The following PCDHGB4 variants were observed in gnomAD, a reference collection of about 807,000 sequenced individuals.
PCDHGB4 encodes protocadherin gamma subfamily B, 4.
In PCDHGB4, 38 loss-of-function variants were observed where a neutral mutation model predicts 60.5. The observed-to-expected ratio is 0.63, with a 90% CI of 0.48 to 0.82. The LOEUF is 0.82. Ranked by LOEUF, PCDHGB4 falls within the 40% of genes least tolerant of loss-of-function variation. The pLI, the probability that PCDHGB4 is intolerant of heterozygous loss-of-function variation, is 0.00. For missense variants in PCDHGB4, 1,109 were observed against 1,209.6 expected, an observed-to-expected ratio of 0.92 and a Z score of 1.23; for synonymous variants, 456 against 509.7, an observed-to-expected ratio of 0.89 and a Z score of 1.42.
Position 141,390,370 on chromosome 5 carries a change from A to T in PCDHGB4, c.2397+89A>T, listed in dbSNP as rs1252386186. On this transcript the variant is annotated intron_variant, in intron 1 of 3. Coordinates refer to ENST00000519479, the MANE Select transcript of PCDHGB4 (RefSeq NM_003736.4). ...AATATACATATTTGCAGGAAAATAT[A>T]TAATTTTTAGATGTCATGGATCATT... 4 of 1,504,066 alleles carry T rather than the reference A, an allele frequency of 2.7e-6. No individual in the cohort carries two copies. In the African/African-American group the frequency reaches 4.2e-5, roughly 16 times the overall value. The allele number at this position is 1,504,066 out of a possible 1,614,324, so 93.2% of individuals were successfully genotyped here. A position where few individuals can be genotyped will look rare whatever the true frequency, so the allele number is the denominator to read the frequency against.
At chr5:141,467,693 G>C (rs543886467) in intron 1 of PCDHGB4, among the ~76,000 whole-genome samples, 49 of 152,108 alleles carry the variant, frequency 3.2e-4, no homozygotes, top group African/African-American at 1.1e-3. Flanking sequence ...ACAGGGTCTG[G>C]CTCTGTTGCC....
chr5:141,484,123 T>C (rs2099592351), intron 1 of PCDHGB4, among the ~76,000 whole-genome samples: 1 of 152,174 alleles, frequency 6.6e-6, no homozygotes, highest in South Asian at 2.1e-4. Flanking sequence ...AAGAATACCT[T>C]GGTGTCAGAT....
rs1052219950 is a variant in PCDHGB4, at chr5:141,476,865, G to A, written c.2398-17942G>A. The A allele has an allele frequency of 1.2e-6, 2 of 1,613,752 alleles. No individual in the cohort carries two copies. Among genetic ancestry groups the A allele is most frequent in the African/African-American group, 1.3e-5 (1 of 74,958 alleles). On this transcript the variant is annotated intron_variant, in intron 1 of 3. Coordinates refer to ENST00000519479, the MANE Select transcript of PCDHGB4 (RefSeq NM_003736.4). This position sits in a 1 kb window ranked among gnomAD's most constrained non-coding sequence, Gnocchi z 7.6. ...CCTGTCTTCAACCAGTCCTTGTACC[G>A]GGCGCGCGTCCTGGAGGATGCACCC...
At chr5:141,418,407 A>C (rs1165583519) in intron 1 of PCDHGB4, 1 of 1,613,926 alleles carries the variant, frequency 6.2e-7, no homozygotes, top group Non-Finnish European at 8.5e-7. Flanking sequence ...TTGGTGGAGA[A>C]AGACAATCCT....
chr5:141,399,221 T>C (rs564668507), intron 1 of PCDHGB4: 1 of 1,613,960 alleles, frequency 6.2e-7, no homozygotes, highest in Non-Finnish European at 8.5e-7. Flanking sequence ...ATTGCTTTGA[T>C]CAAAATACAT....
rs773893751 is a variant in PCDHGB4 at position 141,431,903 on chromosome 5, G to A, written c.2397+41622G>A. 2 of 1,613,916 alleles carry A rather than the reference G, an allele frequency of 1.2e-6. No individual in the cohort carries two copies. Among genetic ancestry groups the A allele is most frequent in the South Asian group, 2.2e-5 (2 of 91,080 alleles). ...CCAAGATTCTGAGGAAAACGGACAG[G>A]TGATCTGTTTCATCCAAGGAAATCT... On this transcript the variant is annotated intron_variant, in intron 1 of 3. Transcript: ENST00000519479. The surrounding 1 kb of genome is among the most constrained non-coding windows in gnomAD (Gnocchi z 4.8).
intron 1 of PCDHGB4, chr5:141,478,289 G>A (rs1210628852): frequency 1.2e-6 from 2 of 1,614,146 alleles, no homozygotes; most frequent in African/African-American, 2.7e-5. Context: ...GCAGTCTAGA[G>A]ACCTATACCG....
At position 141,489,094 on chromosome 5, in the gene PCDHGB4, G is replaced by GAAA. The variant is rs2154581134; in HGVS notation, c.2398-5711_2398-5710insAAA. On this transcript the variant is annotated intron_variant, in intron 1 of 3. Coordinates refer to ENST00000519479, the MANE Select transcript of PCDHGB4 (RefSeq NM_003736.4). The surrounding 1 kb of genome is among the most constrained non-coding windows in gnomAD (Gnocchi z 4.5). ...CCCACCCCCGCCACTCGGTGACTAA[G>GAAA]AACTGCTGCAAGCAGGCAAACCTCC... The GAAA allele has an allele frequency of 5.1e-6, 2 of 396,028 alleles. No homozygotes were observed. Among genetic ancestry groups the GAAA allele is most frequent in the South Asian group, 4.8e-5 (1 of 20,814 alleles). The allele number at this position is 396,028 out of a possible 1,614,324, so 24.5% of individuals were successfully genotyped here.
In PCDHGB4 at chr5:141,489,681, A is replaced by T; in HGVS notation, c.2398-5126A>T. ...AGATGCGCATCTCAGAATCAGCAGC[A>T]TCTGGGGCACGATTCCCACTGGACA... On this transcript the variant is annotated intron_variant, in intron 1 of 3. Transcript: ENST00000519479. This position sits in a 1 kb window ranked among gnomAD's most constrained non-coding sequence, Gnocchi z 4.5. 1 of 1,614,174 alleles carries T rather than the reference A, an allele frequency of 6.2e-7. No individual in the cohort carries two copies. The highest frequency in any genetic ancestry group is 8.5e-7 in the Non-Finnish European group (1 of 1,180,010).
chr5:141,399,561 GT>G, intron 1 of PCDHGB4: 1 of 1,614,042 alleles, frequency 6.2e-7, no homozygotes, highest in Non-Finnish European at 8.5e-7. Context: ...TGGACTTGGG[GT>G]TGAACGGCCA....
intron 2 of PCDHGB4, among the ~76,000 whole-genome samples, chr5:141,495,663 G>T (rs756466649): frequency 6.6e-6 from 1 of 152,050 alleles, no homozygotes; most frequent in African/African-American, 2.4e-5. Context: ...GATCTGTGCC[G>T]CCCACTGTGC....
rs143779180 is a variant in PCDHGB4, at chr5:141,485,438, C to T, written c.2398-9369C>T. Reference sequence around the variant, plus strand: ...CAGCGGAGCCCTGCTCATCAAGAACCCAATCGACCGAGAGGCACTGTGTGG... The same window carrying T: ...CAGCGGAGCCCTGCTCATCAAGAACTCAATCGACCGAGAGGCACTGTGTGG... On this transcript the variant is annotated intron_variant, in intron 1 of 3. Transcript: ENST00000519479. This position sits in a 1 kb window ranked among gnomAD's most constrained non-coding sequence, Gnocchi z 5.7. 2.9e-5 allele frequency: 47 copies of T among 1,614,052 alleles called. No individual in the cohort carries two copies. The highest frequency in any genetic ancestry group is 4.0e-5 in the African/African-American group (3 of 74,924).
intron 1 of PCDHGB4, among the ~76,000 whole-genome samples, chr5:141,475,341 C>T (rs1306106224): frequency 6.6e-6 from 1 of 152,162 alleles, no homozygotes; most frequent in Non-Finnish European, 1.5e-5. Context: ...CAATGACATC[C>T]AGTTTTAAAA....
chr5:141,412,940 T>C, intron 1 of PCDHGB4: 1 of 463,218 alleles, frequency 2.2e-6, no homozygotes, highest in Non-Finnish European at 3.8e-6. Flanking sequence ...CTTAGGACTC[T>C]GAGCGCCGCT....
At chr5:141,488,268 C>T (rs1371050827) in intron 1 of PCDHGB4, among the ~76,000 whole-genome samples, 1 of 152,170 alleles carries the variant, frequency 6.6e-6, no homozygotes, top group East Asian at 1.9e-4. Context: ...GCGGGTTGGT[C>T]ATCACCTTTG....
chr5:141,412,416 G>A (rs897228706), intron 1 of PCDHGB4: 1 of 152,162 alleles, frequency 6.6e-6, no homozygotes, highest in Non-Finnish European at 1.5e-5. Flanking sequence ...GATAAAGTAT[G>A]TTTTACACAA....
chr5:141,443,588 A>T (rs1479393074), intron 1 of PCDHGB4, among the ~76,000 whole-genome samples: 3 of 152,240 alleles, frequency 2.0e-5, no homozygotes, highest in Non-Finnish European at 4.4e-5. Context: ...CTAAAACAGA[A>T]TGTGGTATAT....
At chr5:141,442,737 G>A (rs1376026431) in intron 1 of PCDHGB4, among the ~76,000 whole-genome samples, 1 of 152,152 alleles carries the variant, frequency 6.6e-6, no homozygotes, top group Non-Finnish European at 1.5e-5. Flanking sequence ...CTGTAGGTAA[G>A]GAGCATGTTT....
rs780664832 is a variant in PCDHGB4 at position 141,422,982 on chromosome 5, T to C, written c.2397+32701T>C. On this transcript the variant is annotated intron_variant, in intron 1 of 3. Coordinates refer to ENST00000519479, the MANE Select transcript of PCDHGB4 (RefSeq NM_003736.4). ...AGCTGGCGCCCCGCTCTGCGGAACC[T>C]GGCTACCTGGTGACCAAGGTGGTTG... 2.5e-6 allele frequency: 4 copies of C among 1,614,206 alleles called. No individual in the cohort carries two copies. The South Asian group carries it at 4.4e-5, about 18-fold the overall frequency.
Sources: gnomAD v4.1 joint callset for allele counts (sites outside exome capture counted in the v4.1 genomes callset) on GRCh38, gnomAD v4.1.1 for gene constraint, Gnocchi (gnomAD v3.1) non-coding constraint, MANE v1.5 for transcripts, NCBI Gene and HGNC (gene_info 2026-07-23, HGNC 2026-07-21) for gene names.